Variants in CSPP1 observed in about 807,000 individuals in gnomAD.
The protein encoded by CSPP1 is centrosome and spindle pole-associated protein 1.
CSPP1 carries 126 observed loss-of-function variants against 164.4 expected under a neutral mutation model. The observed-to-expected ratio is 0.77, with a 90% CI of 0.66 to 0.89. The LOEUF is 0.89. Among genes scored for constraint, CSPP1 ranks in the 40% least tolerant of loss-of-function variants. CSPP1 has a pLI of 0.00. For synonymous variants in CSPP1, 472 were observed against 476.7 expected (o/e 0.99, Z 0.13); for missense variants, 1,395 against 1,449.8 (o/e 0.96, Z 0.61).
chr8:67,094,271 CTTTTTTT>C (rs762941914), intron 6 of CSPP1, among the ~76,000 whole-genome samples: 1 of 121,498 alleles, frequency 8.2e-6, no homozygotes, highest in African/African-American at 3.1e-5. Context: ...TTTATCCTCT[CTTTTTTT>C]TTTTTTTTTT....
chr8:67,159,926 T>TTTCC lies in CSPP1; in HGVS notation c.2538+817_2538+820dup, dbSNP rs796256512. On this transcript the variant is annotated intron_variant, in intron 21 of 30. Coordinates refer to ENST00000678616, the MANE Select transcript of CSPP1 (RefSeq NM_001382391.1). ...TTTCTTTCTTTCTTTCTTTCTTTCC[T>TTTCC]TTCCTTCCTTCCTTCCTTCCTTCCT... 2.3e-3 allele frequency among the ~76,000 whole-genome samples: 97 copies of TTTCC among 41,532 alleles called. 3 individuals carry two copies. Among genetic ancestry groups the TTTCC allele is most frequent in the East Asian group, 6.5e-3 (11 of 1,692 alleles). 27.2% of individuals were successfully genotyped at this position (41,532 alleles called of 152,430 possible).
At chr8:67,182,845 GT>G (rs1230572051) in intron 28 of CSPP1, among the ~76,000 whole-genome samples, 2 of 152,284 alleles carry the variant, frequency 1.3e-5, no homozygotes, top group Admixed American at 6.5e-5. Context: ...TTGTTATTGA[GT>G]TGTGGGAGTT....
intron 25 of CSPP1, chr8:67,173,821 A>G (rs1218507346): frequency 6.6e-6 from 1 of 152,212 alleles, no homozygotes; most frequent in Non-Finnish European, 1.5e-5. Context: ...TCTCATGAGG[A>G]GTTTGGTCTG....
intron 5 of CSPP1, among the ~76,000 whole-genome samples, chr8:67,092,421 A>C (rs955944689): frequency 4.6e-5 from 7 of 152,200 alleles, no homozygotes; most frequent in Non-Finnish European, 1.0e-4. Flanking sequence ...GACAGTTAAT[A>C]AATTTCAAAA....
chr8:67,191,966 G>C (rs1352376813), intron 29 of CSPP1, among the ~76,000 whole-genome samples: 2 of 151,860 alleles, frequency 1.3e-5, no homozygotes, highest in East Asian at 3.9e-4. Flanking sequence ...TGGTGGTTTT[G>C]AGTTGCATTT....
intron 17 of CSPP1, among the ~76,000 whole-genome samples, chr8:67,146,130 T>C (rs1563674420): frequency 6.7e-6 from 1 of 150,320 alleles, no homozygotes; most frequent in Non-Finnish European, 1.5e-5. Context: ...TTCTTTTTTT[T>C]TTTTTTTTTT....
intron 1 of CSPP1, among the ~76,000 whole-genome samples, chr8:67,072,759 C>A (rs796900521): frequency 2.7e-5 from 4 of 150,244 alleles, no homozygotes; most frequent in African/African-American, 9.8e-5. Context: ...CCTAGCTGTT[C>A]AGGAGGCTGA....
rs897591892 is a variant in CSPP1 at position 67,132,085 on chromosome 8, T to C, written c.1827+5T>C. ...CAAGAGGCTTTGCAGCAGCAGGTAT[T>C]GATTCATTTACTCATTTACTGTTGA... On this transcript the variant is annotated splice_donor_5th_base_variant and intron_variant, in intron 16 of 30. Coordinates refer to ENST00000678616, the MANE Select transcript of CSPP1 (RefSeq NM_001382391.1). 8 of 1,611,448 alleles carry C rather than the reference T, an allele frequency of 5.0e-6. No individual in the cohort carries two copies. The African/African-American group carries it at 8.0e-5, about 16-fold the overall frequency.
At chr8:67,182,203 A>G (rs1007684050) in intron 28 of CSPP1, among the ~76,000 whole-genome samples, 3 of 152,090 alleles carry the variant, frequency 2.0e-5, no homozygotes, top group Admixed American at 6.6e-5. Context: ...GGGTTTCACC[A>G]TGCTGCCCAG....
intron 16 of CSPP1, among the ~76,000 whole-genome samples, chr8:67,136,993 A>T (rs1822444728): frequency 6.6e-6 from 1 of 151,974 alleles, no homozygotes; most frequent in Non-Finnish European, 1.5e-5. Flanking sequence ...TAATGTTATT[A>T]TTTAAAGACA....
intron 22 of CSPP1, among the ~76,000 whole-genome samples, chr8:67,162,821 G>C (rs557919803): frequency 4.8e-4 from 73 of 152,264 alleles, no homozygotes; most frequent in African/African-American, 1.6e-3. Flanking sequence ...TGAGTGTGTG[G>C]TGGGTAGGAG....
intron 17 of CSPP1, among the ~76,000 whole-genome samples, chr8:67,143,238 C>T (rs553150581): frequency 1.3e-5 from 2 of 151,768 alleles, no homozygotes; most frequent in Non-Finnish European, 2.9e-5. Flanking sequence ...TCCTTTTGCC[C>T]GTATCAGAGT....
At chr8:67,183,811 A>G (rs1328614804) in intron 28 of CSPP1, among the ~76,000 whole-genome samples, 1 of 151,450 alleles carries the variant, frequency 6.6e-6, no homozygotes, top group African/African-American at 2.4e-5. Context: ...GAAAGAAATA[A>G]TTGATAAGCC....
At chr8:67,130,857 G>A (rs762340827) in intron 15 of CSPP1, among the ~76,000 whole-genome samples, 7 of 151,888 alleles carry the variant, frequency 4.6e-5, no homozygotes, top group Non-Finnish European at 5.9e-5. Flanking sequence ...GCGTGGTGGC[G>A]GGTGCTTGTA....
chr8:67,158,332 G>A (rs1286635401), intron 19 of CSPP1, 115 bp from the exon 20 acceptor site: 2 of 1,162,808 alleles, frequency 1.7e-6, no homozygotes, highest in East Asian at 2.7e-5. Context: ...AAAAATTTAG[G>A]AACATGCAAA....
intron 1 of CSPP1, among the ~76,000 whole-genome samples, chr8:67,066,736 C>T (rs1805631392): frequency 2.0e-5 from 3 of 151,870 alleles, no homozygotes; most frequent in Admixed American, 6.6e-5. Flanking sequence ...TATATATATA[C>T]ATATATATAC....
At chr8:67,070,186 G>T (rs1206286592) in intron 1 of CSPP1, among the ~76,000 whole-genome samples, 1 of 151,832 alleles carries the variant, frequency 6.6e-6, no homozygotes, top group Admixed American at 6.6e-5. Flanking sequence ...GAAATAAGTC[G>T]GGACGGTGGC....
chr8:67,158,464 AAGAG>A lies in CSPP1; in HGVS notation c.2262_2265del (p.Glu755LysfsTer7). 6.2e-7 allele frequency: 1 copy of A among 1,603,228 alleles called. No individual in the cohort carries two copies. Among genetic ancestry groups the A allele is most frequent in the Non-Finnish European group, 8.5e-7 (1 of 1,176,050 alleles). Reference sequence around the variant, plus strand: ...TTCTTTAGATTGAGGAAAAGAAACAAAGAGAGGAAGCAGAGCGAGAGAGACTGAG... The same window carrying A: ...TTCTTTAGATTGAGGAAAAGAAACAAAGGAAGCAGAGCGAGAGAGACTGAG... On this transcript the variant is annotated frameshift_variant, in exon 20 of 31. Coordinates refer to ENST00000678616, the MANE Select transcript of CSPP1 (RefSeq NM_001382391.1). LOFTEE classifies it high-confidence loss of function.
At position 67,136,568 on chromosome 8, in the gene CSPP1, CAAAAAAAAAAAAA is replaced by C. The variant is rs35184133; in HGVS notation, c.1828-873_1828-861del. On this transcript the variant is annotated intron_variant, in intron 16 of 30. Coordinates refer to ENST00000678616, the MANE Select transcript of CSPP1 (RefSeq NM_001382391.1). ...TGGGTGACAGAGCGAGACTCCGTCT[CAAAAAAAAAAAAA>C]AAAAAAAAAAAAAATGCAATGTCCG... Among the ~76,000 whole-genome samples the C allele has an allele frequency of 9.0e-4, 25 of 27,692 alleles. No homozygotes were observed. In the East Asian group the frequency reaches 0.021, roughly 23 times the overall value. 18.2% of individuals were successfully genotyped at this position (27,692 alleles called of 152,430 possible). A position where few individuals can be genotyped will look rare whatever the true frequency, so the allele number is the denominator to read the frequency against.
Sources: gnomAD v4.1 joint callset for allele counts (sites outside exome capture counted in the v4.1 genomes callset) on GRCh38, gnomAD v4.1.1 for gene constraint, MANE v1.5 for transcripts, NCBI Gene and HGNC (gene_info 2026-07-23, HGNC 2026-07-21) for gene names.